Variants in EYS observed in about 807,000 individuals in gnomAD.
EYS encodes protein eyes shut homolog.
Under a neutral mutation model 282.1 loss-of-function variants are expected in EYS, and 250 were observed. The observed-to-expected ratio is 0.89, with a 90% CI of 0.80 to 0.98. The LOEUF (loss-of-function observed/expected upper bound fraction) is 0.98. Among genes scored for constraint, EYS ranks in the 50% least tolerant of loss-of-function variants. The probability of loss-of-function intolerance (pLI) is 0.00; values close to 1 mark genes in which losing one functional copy is unlikely to be tolerated. For missense variants in EYS, 4,016 were observed against 3,709.0 expected (o/e 1.08, Z -2.15); for synonymous variants, 1,355 against 1,282.9 (o/e 1.06, Z -1.20).
chr6:64,211,949 C>G (rs954668745), intron 31 of EYS, among the ~76,000 whole-genome samples: 1 of 151,666 alleles, frequency 6.6e-6, no homozygotes, highest in Non-Finnish European at 1.5e-5. Flanking sequence ...AAACCCATCT[C>G]TACTAAAAAT....
chr6:64,011,382 T>C (rs1768617596), intron 33 of EYS, among the ~76,000 whole-genome samples: 1 of 152,194 alleles, frequency 6.6e-6, no homozygotes, highest in African/African-American at 2.4e-5. Context: ...TAGAAAATTG[T>C]CTTTAATTTG....
chr6:64,574,125 A>G (rs1038563662), intron 26 of EYS, among the ~76,000 whole-genome samples: 2 of 152,198 alleles, frequency 1.3e-5, no homozygotes, highest in Admixed American at 1.3e-4. Context: ...TGTCCTTTGC[A>G]GGGGCATGGA....
At chr6:65,645,085 A>G (rs1179826124) in intron 1 of EYS, among the ~76,000 whole-genome samples, 5 of 150,698 alleles carry the variant, frequency 3.3e-5, no homozygotes, top group Non-Finnish European at 7.4e-5. Flanking sequence ...ATGAACTAAT[A>G]TAGGGACTTT....
intron 22 of EYS, among the ~76,000 whole-genome samples, chr6:64,792,857 C>CGTGTGTGTGTGTGTGTGTGTGTGT (rs61516922): frequency 0.23 from 34,239 of 147,972 alleles, 4,950 homozygotes; most frequent in Admixed American, 0.39. Context: ...GATCTTGACA[C>CGTGTGTGTGTGTGTGTGTGTGTGT]GTGTGTGTGT....
intron 13 of EYS, among the ~76,000 whole-genome samples, chr6:64,998,899 C>T (rs1771363874): frequency 6.6e-6 from 1 of 152,110 alleles, no homozygotes; most frequent in African/African-American, 2.4e-5. Flanking sequence ...AGTTGGGATA[C>T]TGATGCATAC....
At chr6:65,559,765 A>T (rs970836954) in intron 2 of EYS, among the ~76,000 whole-genome samples, 1 of 152,128 alleles carries the variant, frequency 6.6e-6, no homozygotes, top group Non-Finnish European at 1.5e-5. Context: ...TAATATAGTT[A>T]TAAAACTTTT....
At chr6:63,830,590 T>A (rs1002807070) in intron 36 of EYS, among the ~76,000 whole-genome samples, 2 of 152,176 alleles carry the variant, frequency 1.3e-5, no homozygotes, top group South Asian at 4.1e-4. Flanking sequence ...CTATGTCTGA[T>A]TGGTGTACCT....
intron 30 of EYS, among the ~76,000 whole-genome samples, chr6:64,267,230 A>C (rs1372519719): frequency 2.0e-5 from 3 of 152,128 alleles, no homozygotes; most frequent in African/African-American, 7.2e-5. Context: ...CCAATGCTCA[A>C]AGAGATCTGA....
At chr6:65,538,249 A>G (rs1361353543) in intron 2 of EYS, among the ~76,000 whole-genome samples, 1 of 152,170 alleles carries the variant, frequency 6.6e-6, no homozygotes, top group Non-Finnish European at 1.5e-5. Flanking sequence ...AAGCAAGAAG[A>G]GTGGCTGAAG....
At chr6:64,190,464 G>A (rs1765069065) in intron 31 of EYS, among the ~76,000 whole-genome samples, 1 of 152,138 alleles carries the variant, frequency 6.6e-6, no homozygotes, top group South Asian at 2.1e-4. Flanking sequence ...GTCAGAGCAT[G>A]CAATCTCCAG....
At chr6:65,503,450 T>G (rs992546677) in intron 2 of EYS, among the ~76,000 whole-genome samples, 2 of 151,692 alleles carry the variant, frequency 1.3e-5, no homozygotes, top group African/African-American at 4.8e-5. Context: ...CAGATTTTAC[T>G]TTTAAAAAAG....
chr6:65,576,243 G>T (rs1764663062), intron 2 of EYS, among the ~76,000 whole-genome samples: 1 of 151,870 alleles, frequency 6.6e-6, no homozygotes, highest in Non-Finnish European at 1.5e-5. Flanking sequence ...TCAAGTGGAG[G>T]ATTTATCCTT....
intron 12 of EYS, among the ~76,000 whole-genome samples, chr6:65,135,647 T>C (rs545641030): frequency 2.7e-5 from 4 of 146,350 alleles, no homozygotes; most frequent in Non-Finnish European, 4.5e-5. Flanking sequence ...AACAGTGAAA[T>C]AGTGAATCTC....
At chr6:65,591,143 G>GTTAT (rs1300974897) in intron 2 of EYS, among the ~76,000 whole-genome samples, 1 of 151,698 alleles carries the variant, frequency 6.6e-6, no homozygotes. Flanking sequence ...TCCAACATTT[G>GTTAT]TTATTTTTTG....
At chr6:64,788,957 C>T (rs1424353834) in intron 22 of EYS, among the ~76,000 whole-genome samples, 1 of 152,088 alleles carries the variant, frequency 6.6e-6, no homozygotes, top group African/African-American at 2.4e-5. Context: ...CCGTAAGTCA[C>T]CTCAATAAAG....
intron 1 of EYS, among the ~76,000 whole-genome samples, chr6:65,666,122 T>G (rs1768192026): frequency 6.6e-6 from 1 of 151,668 alleles, no homozygotes; most frequent in Non-Finnish European, 1.5e-5. Context: ...TCTTTAAAAC[T>G]AAGTCATTGG....
intron 22 of EYS, among the ~76,000 whole-genome samples, chr6:64,802,013 A>ATTTTTTTTTTT (rs1415788607): frequency 1.6e-5 from 2 of 124,174 alleles, no homozygotes; most frequent in Non-Finnish European, 3.5e-5. Context: ...GTTATAACAA[A>ATTTTTTTTTTT]TTTCTTTTTC....
intron 13 of EYS, among the ~76,000 whole-genome samples, chr6:65,044,219 T>C (rs1773030163): frequency 6.6e-6 from 1 of 151,820 alleles, no homozygotes; most frequent in Non-Finnish European, 1.5e-5. Flanking sequence ...ATCCTTTGCC[T>C]ATTTTTCAAC....
At chr6:64,236,325 T>G (rs977006640) in intron 30 of EYS, among the ~76,000 whole-genome samples, 2 of 152,214 alleles carry the variant, frequency 1.3e-5, no homozygotes, top group Non-Finnish European at 2.9e-5. Context: ...ATTTATCTAT[T>G]CATTAGTTGA....
Sources: allele counts gnomAD v4.1 joint callset (sites outside exome capture counted in the v4.1 genomes callset), GRCh38; gene constraint gnomAD v4.1.1; transcripts MANE v1.5; gene names NCBI Gene and HGNC (gene_info 2026-07-23, HGNC 2026-07-21).